Variants in AUTS2 observed in about 807,000 individuals in gnomAD.
AUTS2 encodes the protein autism susceptibility gene 2 protein.
AUTS2 carries 17 observed loss-of-function variants against 112.4 expected under a neutral mutation model. That is an observed-to-expected ratio of 0.15 (90% CI 0.10 to 0.23). The LOEUF (loss-of-function observed/expected upper bound fraction) is 0.23, where lower values mean the gene tolerates loss of function less well. Ranked by LOEUF, AUTS2 falls within the 10% of genes least tolerant of loss-of-function variation. AUTS2 has a pLI of 1.00. For synonymous variants in AUTS2, 751 were observed against 702.7 expected, an observed-to-expected ratio of 1.07 and a Z score of -1.09; for missense variants, 1,510 against 1,701.6, an observed-to-expected ratio of 0.89 and a Z score of 1.98.
intron 6 of AUTS2, among the ~76,000 whole-genome samples, chr7:70,762,567 G>A (rs1246440893): frequency 2.0e-5 from 3 of 152,068 alleles, no homozygotes; most frequent in African/African-American, 4.8e-5. Context: ...TATGCCTGGC[G>A]CTAGGCTACT....
chr7:69,797,952 G>A (rs1013529580), intron 1 of AUTS2, among the ~76,000 whole-genome samples: 5 of 152,108 alleles, frequency 3.3e-5, no homozygotes, highest in Admixed American at 1.3e-4. Flanking sequence ...CACACTCTGG[G>A]GATCAGGTAA....
At chr7:70,386,860 C>A (rs906036098) in intron 4 of AUTS2, among the ~76,000 whole-genome samples, 2 of 152,164 alleles carry the variant, frequency 1.3e-5, no homozygotes, top group African/African-American at 4.8e-5. Flanking sequence ...CCCGACTTTT[C>A]TGTAGGATGA....
chr7:69,986,389 T>G (rs1798516100), intron 2 of AUTS2, among the ~76,000 whole-genome samples: 1 of 152,252 alleles, frequency 6.6e-6, no homozygotes, highest in African/African-American at 2.4e-5. Context: ...GAATTCAGTC[T>G]CTGCAAACAA....
chr7:70,580,074 G>A lies in AUTS2; in HGVS notation c.691-118495G>A, dbSNP rs904535330. On this transcript the variant is annotated intron_variant, in intron 5 of 18. Coordinates refer to ENST00000342771, the MANE Select transcript of AUTS2 (RefSeq NM_015570.4). ...GCCACTTGGGGCTCCACAACACAGTGCCTTCGAACGTAACCAGCACTGACT... is the reference window on the plus strand; with the variant it reads ...GCCACTTGGGGCTCCACAACACAGTACCTTCGAACGTAACCAGCACTGACT... Among the ~76,000 whole-genome samples, 8 of 152,228 alleles carry A rather than the reference G, an allele frequency of 5.3e-5. No homozygotes were observed. The East Asian group carries it at 1.5e-3, about 29-fold the overall frequency.
intron 5 of AUTS2, among the ~76,000 whole-genome samples, chr7:70,638,478 T>G (rs552724016): frequency 6.8e-4 from 103 of 152,316 alleles, no homozygotes; most frequent in African/African-American, 2.4e-3. Flanking sequence ...CAGAGAATTT[T>G]CTGCAAATGA....
At chr7:70,270,909 T>C (rs948690443) in intron 4 of AUTS2, among the ~76,000 whole-genome samples, 1 of 152,142 alleles carries the variant, frequency 6.6e-6, no homozygotes, top group Non-Finnish European at 1.5e-5. Context: ...TGCTATCACA[T>C]TGGGCTTGAC....
At chr7:70,545,443 G>A (rs1438846167) in intron 5 of AUTS2, among the ~76,000 whole-genome samples, 1 of 152,210 alleles carries the variant, frequency 6.6e-6, no homozygotes, top group East Asian at 1.9e-4. Flanking sequence ...CCCATATAAA[G>A]TGAATACTTC....
intron 4 of AUTS2, among the ~76,000 whole-genome samples, chr7:70,338,647 A>G (rs182768617): frequency 6.6e-6 from 1 of 152,256 alleles, no homozygotes; most frequent in African/African-American, 2.4e-5. Flanking sequence ...CAATTCAGGG[A>G]TGAGTATTCC....
At chr7:69,695,370 A>C (rs1488136796) in intron 1 of AUTS2, among the ~76,000 whole-genome samples, 1 of 152,118 alleles carries the variant, frequency 6.6e-6, no homozygotes. Context: ...AATATAGATT[A>C]ACAAAGTAAC....
chr7:70,471,296 G>GA (rs746539207), intron 5 of AUTS2, among the ~76,000 whole-genome samples: 11 of 151,452 alleles, frequency 7.3e-5, no homozygotes, highest in East Asian at 1.9e-4. Flanking sequence ...AAGAAAAGGG[G>GA]AAAAAAAAGG....
chr7:69,838,319 A>G, intron 1 of AUTS2, among the ~76,000 whole-genome samples: 1 of 152,100 alleles, frequency 6.6e-6, no homozygotes. Flanking sequence ...GATGATGATG[A>G]TGATAGCAGA....
chr7:69,672,434 A>G (rs2129157441), intron 1 of AUTS2, among the ~76,000 whole-genome samples: 1 of 152,334 alleles, frequency 6.6e-6, no homozygotes, highest in South Asian at 2.1e-4. Flanking sequence ...ATACTTATCA[A>G]TACACACAAC....
At chr7:69,756,282 A>C (rs1775164228) in intron 1 of AUTS2, among the ~76,000 whole-genome samples, 1 of 152,238 alleles carries the variant, frequency 6.6e-6, no homozygotes. Flanking sequence ...GTGGGAAAGA[A>C]ATGCCTACAG....
intron 1 of AUTS2, among the ~76,000 whole-genome samples, chr7:69,608,533 G>A (rs1294418498): frequency 6.6e-6 from 1 of 152,186 alleles, no homozygotes; most frequent in East Asian, 1.9e-4. Context: ...TCTTTGTTCA[G>A]TTATACTCGT....
intron 2 of AUTS2, among the ~76,000 whole-genome samples, chr7:70,079,908 T>C (rs1442392516): frequency 6.6e-6 from 1 of 152,196 alleles, no homozygotes; most frequent in Non-Finnish European, 1.5e-5. Flanking sequence ...CTTCTTGCTG[T>C]ATCACAGTGT....
intron 6 of AUTS2, 63 bp downstream of exon 6, chr7:70,698,683 T>C (rs1809274110): frequency 7.9e-7 from 1 of 1,271,784 alleles, no homozygotes. Context: ...TGTCATTGCC[T>C]AGGAAGAAAG....
intron 5 of AUTS2, among the ~76,000 whole-genome samples, chr7:70,536,671 C>A (rs898775856): frequency 7.8e-6 from 1 of 128,692 alleles, no homozygotes; most frequent in East Asian, 2.4e-4. Context: ...GAGGCTGAGG[C>A]GGGCGGATCA....
chr7:70,368,428 G>C (rs1792683955), intron 4 of AUTS2, among the ~76,000 whole-genome samples: 1 of 152,124 alleles, frequency 6.6e-6, no homozygotes, highest in Non-Finnish European at 1.5e-5. Flanking sequence ...AGTGAGATTG[G>C]ACCTATTTTC....
At chr7:69,657,017 C>T (rs1336382939) in intron 1 of AUTS2, among the ~76,000 whole-genome samples, 1 of 152,100 alleles carries the variant, frequency 6.6e-6, no homozygotes, top group Non-Finnish European at 1.5e-5. Flanking sequence ...CTTTCTGGAT[C>T]GGGACAGGAA....
Sources: gnomAD v4.1 joint callset for allele counts (sites outside exome capture counted in the v4.1 genomes callset) on GRCh38, gnomAD v4.1.1 for gene constraint, MANE v1.5 for transcripts, NCBI Gene and HGNC (gene_info 2026-07-23, HGNC 2026-07-21) for gene names.